Variants in DNM3 observed in about 807,000 individuals in gnomAD.
DNM3 encodes the protein dynamin-3.
DNM3 carries 47 observed loss-of-function variants against 101.6 expected under a neutral mutation model. The observed-to-expected ratio is 0.46, with a 90% CI of 0.37 to 0.59. DNM3 has a LOEUF of 0.59. Ranked by LOEUF, DNM3 falls within the 20% of genes least tolerant of loss-of-function variation. The probability of loss-of-function intolerance (pLI) is 0.00; values close to 1 mark genes in which losing one functional copy is unlikely to be tolerated. For synonymous variants in DNM3, 385 were observed against 387.9 expected, an observed-to-expected ratio of 0.99 and a Z score of 0.09; for missense variants, 849 against 1,085.7, an observed-to-expected ratio of 0.78 and a Z score of 3.06.
intron 11 of DNM3, among the ~76,000 whole-genome samples, chr1:172,073,271 A>G (rs577044990): frequency 7.2e-6 from 1 of 138,944 alleles, no homozygotes; most frequent in Non-Finnish European, 1.6e-5. Context: ...ATACGTATAT[A>G]TGCTTATATG....
At chr1:172,415,619 T>C (rs1306026980), downstream of DNM3, among the ~76,000 whole-genome samples, 1 of 138,564 alleles carries the variant, frequency 7.2e-6, no homozygotes, top group African/African-American at 2.7e-5. Context: ...AACTTCCACC[T>C]CCCAAGTTCA....
intron 14 of DNM3, among the ~76,000 whole-genome samples, chr1:172,154,592 C>G (rs1460979855): frequency 6.6e-6 from 1 of 152,066 alleles, no homozygotes; most frequent in African/African-American, 2.4e-5. Context: ...CTGTTTAAAA[C>G]TAAAGTGAAT....
intron 17 of DNM3, among the ~76,000 whole-genome samples, chr1:172,377,782 A>G (rs1440963060): frequency 1.3e-5 from 2 of 151,852 alleles, no homozygotes; most frequent in East Asian, 1.9e-4. Flanking sequence ...TGAGTTGAGC[A>G]TGCATTATTT....
intron 6 of DNM3, 56 bp downstream of exon 6, chr1:172,033,321 G>T: frequency 6.8e-7 from 1 of 1,460,770 alleles, no homozygotes. Flanking sequence ...AGTAGGTGCT[G>T]GAATTCATAT....
chr1:172,235,798 G>C (rs1371942564), intron 14 of DNM3, among the ~76,000 whole-genome samples: 1 of 151,986 alleles, frequency 6.6e-6, no homozygotes, highest in Non-Finnish European at 1.5e-5. Context: ...TGAACAATGA[G>C]AACACTTGGA....
chr1:172,013,729 A>G (rs574781118), intron 4 of DNM3, among the ~76,000 whole-genome samples: 10 of 152,016 alleles, frequency 6.6e-5, no homozygotes, highest in Non-Finnish European at 1.5e-4. Flanking sequence ...TTTGGAGCTG[A>G]TGGGAATGGG....
chr1:172,283,759 C>CAAA (rs769812358), intron 15 of DNM3, among the ~76,000 whole-genome samples: 5 of 40,254 alleles, frequency 1.2e-4, no homozygotes, highest in African/African-American at 2.1e-4. Context: ...GACTCCATCT[C>CAAA]AAAAAAAAAA....
chr1:172,279,855 A>G (rs1233502919), intron 15 of DNM3, among the ~76,000 whole-genome samples: 1 of 152,090 alleles, frequency 6.6e-6, no homozygotes, highest in East Asian at 1.9e-4. Flanking sequence ...GTCATCCTGC[A>G]GTTAGTGTGT....
intron 17 of DNM3, among the ~76,000 whole-genome samples, chr1:172,340,759 G>T (rs924011102): frequency 6.6e-6 from 1 of 152,208 alleles, no homozygotes; most frequent in Non-Finnish European, 1.5e-5. Context: ...AACAGGGACA[G>T]TATGACTTCC....
intron 14 of DNM3, among the ~76,000 whole-genome samples, chr1:172,192,512 G>T (rs2059768967): frequency 7.0e-6 from 1 of 142,762 alleles, no homozygotes; most frequent in South Asian, 2.4e-4. Context: ...ATCTCCCAAT[G>T]CTATCCCTCC....
intron 14 of DNM3, among the ~76,000 whole-genome samples, chr1:172,195,236 G>A (rs1236840023): frequency 6.6e-6 from 1 of 151,824 alleles, no homozygotes; most frequent in African/African-American, 2.4e-5. Flanking sequence ...ATTCATTGCT[G>A]GTATATAGGA....
At chr1:172,416,737 C>A (rs943532141), downstream of DNM3, among the ~76,000 whole-genome samples, 18 of 152,132 alleles carry the variant, frequency 1.2e-4, no homozygotes, top group African/African-American at 3.6e-4. Context: ...GTTTTCTGGG[C>A]AGGTGATAAA....
At chr1:172,027,617 C>CACACACACACACACACACACACAGAG (rs34981346) in intron 4 of DNM3, among the ~76,000 whole-genome samples, 59 of 147,124 alleles carry the variant, frequency 4.0e-4, no homozygotes, top group African/African-American at 1.4e-3. Context: ...CACACACACA[C>CACACACACACACACACACACACAGAG]AGAGAGAGAG....
At chr1:171,845,894 G>T (rs1254277489) in intron 1 of DNM3, among the ~76,000 whole-genome samples, 1 of 152,220 alleles carries the variant, frequency 6.6e-6, no homozygotes. Flanking sequence ...AGGCAGAAGA[G>T]TCCACATTAT....
chr1:171,845,845 CG>C (rs1202936788), intron 1 of DNM3, among the ~76,000 whole-genome samples: 5 of 152,110 alleles, frequency 3.3e-5, no homozygotes, highest in African/African-American at 9.7e-5. Flanking sequence ...TAAAATGACA[CG>C]CTTGTTAGAA....
At chr1:171,897,776 T>C (rs1367714285) in intron 1 of DNM3, among the ~76,000 whole-genome samples, 1 of 152,228 alleles carries the variant, frequency 6.6e-6, no homozygotes, top group Non-Finnish European at 1.5e-5. Context: ...GGATTTTTCA[T>C]ACAATCTGTG....
intron 14 of DNM3, among the ~76,000 whole-genome samples, chr1:172,144,076 CA>C (rs1415159439): frequency 6.6e-6 from 1 of 151,576 alleles, no homozygotes; most frequent in Admixed American, 6.6e-5. Flanking sequence ...TTAAACAATT[CA>C]AAAGTAGCCT....
intron 14 of DNM3, among the ~76,000 whole-genome samples, chr1:172,227,528 C>A (rs1347377996): frequency 6.6e-6 from 1 of 151,894 alleles, no homozygotes; most frequent in African/African-American, 2.4e-5. Context: ...AGAGGCTGTA[C>A]TAATTTACAT....
intron 1 of DNM3, among the ~76,000 whole-genome samples, chr1:171,871,216 C>A (rs1268408032): frequency 6.6e-6 from 1 of 152,128 alleles, no homozygotes. Context: ...CTATACTCAA[C>A]GCCCAGAGCC....
Sources: allele counts gnomAD v4.1 joint callset (sites outside exome capture counted in the v4.1 genomes callset), GRCh38; gene constraint gnomAD v4.1.1; transcripts MANE v1.5; gene names NCBI Gene and HGNC (gene_info 2026-07-23, HGNC 2026-07-21).